WWOX: variants seen among roughly 807,000 people sequenced by gnomAD.
The protein encoded by WWOX is WW domain containing oxidoreductase, also known as WW domain-containing oxidoreductase.
Under a neutral mutation model 46.2 loss-of-function variants are expected in WWOX, and 69 were observed. The observed-to-expected ratio is 1.49, with a 90% CI of 1.23 to 1.82. The LOEUF (loss-of-function observed/expected upper bound fraction) is 1.82. Among genes scored for constraint, WWOX ranks in the 40% most tolerant of loss-of-function variants. The pLI, the probability that WWOX is intolerant of heterozygous loss-of-function variation, is 0.00. For missense variants in WWOX, 919 were observed against 542.6 expected, an observed-to-expected ratio of 1.69 and a Z score of -6.89; for synonymous variants, 359 against 202.6, an observed-to-expected ratio of 1.77 and a Z score of -6.56.
At chr16:78,849,221 A>G (rs7190122) in intron 8 of WWOX, among the ~76,000 whole-genome samples, 108,992 of 152,118 alleles carry the variant, frequency 0.72, 39,798 homozygotes, top group Middle Eastern at 0.84. Context: ...ACCTTTGGGC[A>G]TGTTGCTACA....
At chr16:78,825,754 C>T (rs1446216020) in intron 8 of WWOX, 26 of 588,590 alleles carry the variant, frequency 4.4e-5, no homozygotes, top group South Asian at 1.4e-4. Context: ...TGATCCCCAG[C>T]GGAGACCATG....
intron 4 of WWOX, among the ~76,000 whole-genome samples, chr16:78,126,152 G>A (rs79617279): frequency 0.042 from 6,325 of 152,242 alleles, 187 homozygotes; most frequent in Non-Finnish European, 0.059. Flanking sequence ...TCTTCTCCCA[G>A]TGTGGTACAT....
intron 8 of WWOX, among the ~76,000 whole-genome samples, chr16:79,066,600 A>G (rs1251849313): frequency 6.6e-6 from 1 of 152,218 alleles, no homozygotes; most frequent in East Asian, 1.9e-4. Flanking sequence ...TCACCTCTTT[A>G]CAGCTGGCAA....
chr16:79,174,857 A>G (rs1312545012), intron 8 of WWOX, among the ~76,000 whole-genome samples: 2 of 152,240 alleles, frequency 1.3e-5, no homozygotes, highest in African/African-American at 4.8e-5. Flanking sequence ...AAGTAGCTTC[A>G]CTTATTGAGC....
intron 8 of WWOX, among the ~76,000 whole-genome samples, chr16:78,730,236 A>G (rs1256137178): frequency 6.6e-6 from 1 of 152,088 alleles, no homozygotes; most frequent in African/African-American, 2.4e-5. Flanking sequence ...CTCTGTCAGG[A>G]TGATCTTATG....
chr16:78,144,441 A>ATACG (rs1555543012), intron 4 of WWOX, among the ~76,000 whole-genome samples: 4 of 19,960 alleles, frequency 2.0e-4, no homozygotes, highest in African/African-American at 1.0e-3. Context: ...ATATATATAT[A>ATACG]TATATACACA....
intron 8 of WWOX, among the ~76,000 whole-genome samples, chr16:78,978,447 C>T (rs916526171): frequency 6.6e-6 from 1 of 152,186 alleles, no homozygotes; most frequent in African/African-American, 2.4e-5. Flanking sequence ...ATGTTGCATT[C>T]CCACCAGCGA....
chr16:79,081,766 C>T (rs955540934), intron 8 of WWOX, among the ~76,000 whole-genome samples: 5 of 152,140 alleles, frequency 3.3e-5, no homozygotes, highest in Admixed American at 6.5e-5. Flanking sequence ...TCCTGTCTCA[C>T]GCTGGATGCT....
intron 8 of WWOX, among the ~76,000 whole-genome samples, chr16:78,489,893 C>G (rs536271089): frequency 6.6e-6 from 1 of 152,106 alleles, no homozygotes; most frequent in Admixed American, 6.5e-5. Context: ...AGGGGTCTGA[C>G]AGATAGCCGG....
intron 8 of WWOX, among the ~76,000 whole-genome samples, chr16:79,115,332 G>C (rs991212516): frequency 6.6e-6 from 1 of 152,138 alleles, no homozygotes; most frequent in African/African-American, 2.4e-5. Flanking sequence ...ATTCCAACAA[G>C]AATTGGAAAC....
At chr16:78,823,665 C>T (rs1344311862) in intron 8 of WWOX, among the ~76,000 whole-genome samples, 1 of 152,136 alleles carries the variant, frequency 6.6e-6, no homozygotes, top group Non-Finnish European at 1.5e-5. Flanking sequence ...ATACACGTAT[C>T]TGTGCAAATG....
rs186935109 is a variant in WWOX at position 78,425,945 on chromosome 16, C to G, written c.791+890C>G. Among the ~76,000 whole-genome samples the G allele has an allele frequency of 5.6e-3, 853 of 152,230 alleles. 12 individuals are homozygous for G. The highest frequency in any genetic ancestry group is 0.019 in the South Asian group (91 of 4,822). On this transcript the variant is annotated intron_variant, in intron 7 of 8. Coordinates refer to ENST00000566780, the MANE Select transcript of WWOX (RefSeq NM_016373.4). The stretch of plus-strand genomic sequence containing the variant: ...AATGAAGCTTATTTTTTTAATCATA[C>G]TTCCATAAAATGTAACCCCTGGGAC...
chr16:78,865,620 C>T (rs547166328), intron 8 of WWOX, among the ~76,000 whole-genome samples: 2 of 152,302 alleles, frequency 1.3e-5, no homozygotes, highest in South Asian at 4.1e-4. Flanking sequence ...TGGCTCAAGC[C>T]TGTAATCCCA....
chr16:78,966,730 A>ACT (rs2151318191), intron 8 of WWOX, among the ~76,000 whole-genome samples: 2 of 151,998 alleles, frequency 1.3e-5, no homozygotes, highest in African/African-American at 4.8e-5. Context: ...ATATTGCAAA[A>ACT]CTCTTTTCAT....
intron 5 of WWOX, among the ~76,000 whole-genome samples, chr16:78,277,543 G>A (rs1256321242): frequency 1.3e-5 from 2 of 152,098 alleles, no homozygotes; most frequent in Non-Finnish European, 2.9e-5. Context: ...TCAAAGCTGG[G>A]CAGGGGGTGG....
chr16:78,971,448 CAAAAAAAAAAAAAA>C (rs71140852), intron 8 of WWOX, among the ~76,000 whole-genome samples: 4 of 111,920 alleles, frequency 3.6e-5, no homozygotes, highest in African/African-American at 1.4e-4. Flanking sequence ...GACTCTGTGT[CAAAAAAAAAAAAAA>C]AAAAAAAAAA....
intron 8 of WWOX, among the ~76,000 whole-genome samples, chr16:79,082,078 G>A (rs746957077): frequency 2.0e-5 from 3 of 152,130 alleles, no homozygotes; most frequent in South Asian, 2.1e-4. Flanking sequence ...CTTGCCAAGC[G>A]AAAATACAGC....
rs2051755644 is a variant in WWOX, at chr16:79,211,647, C to G, written c.1096C>G (p.Pro366Ala). The change falls in exon 9 of 9, where the codon CCA becomes GCA. Residue 366 changes from proline to alanine, a missense_variant. By Grantham distance (27) the Pro-to-Ala change is conservative. Transcript: ENST00000566780. ...CACCACCGTGTACTGTGCTGCTGTCCCAGAACTGGAGGGTCTGGGAGGGAT... is the reference window on the plus strand; with the variant it reads ...CACCACCGTGTACTGTGCTGCTGTCGCAGAACTGGAGGGTCTGGGAGGGAT... ...AATTVYCAAV[P>A]ELEGLGGMYF... 1.2e-6 allele frequency: 2 copies of G among 1,614,206 alleles called. No homozygotes were observed. The highest frequency in any genetic ancestry group is 8.5e-7 in the Non-Finnish European group (1 of 1,180,046).
chr16:78,855,535 C>T (rs1246325297), intron 8 of WWOX, among the ~76,000 whole-genome samples: 1 of 152,154 alleles, frequency 6.6e-6, no homozygotes. Context: ...GTAAATGTGG[C>T]AGACAATAAA....
Sources: allele counts gnomAD v4.1 joint callset (sites outside exome capture counted in the v4.1 genomes callset), GRCh38; gene constraint gnomAD v4.1.1; transcripts MANE v1.5; gene names NCBI Gene and HGNC (gene_info 2026-07-23, HGNC 2026-07-21).